TMEM117: variants seen among roughly 807,000 people sequenced by gnomAD.
The protein encoded by TMEM117 is transmembrane protein 117.
A neutral mutation model predicts 52.4 loss-of-function variants in TMEM117; 27 were observed. The observed-to-expected ratio is 0.51, with a 90% confidence interval of 0.38 to 0.71. The LOEUF (loss-of-function observed/expected upper bound fraction) is 0.71. TMEM117 is among the 30% of genes least tolerant of loss of function. The pLI is 0.00. For missense variants in TMEM117, 556 were observed against 630.5 expected (o/e 0.88, Z 1.26); for synonymous variants, 215 against 206.3 (o/e 1.04, Z -0.36).
chr12:44,075,694 T>C (rs1947371003), intron 3 of TMEM117, among the ~76,000 whole-genome samples: 1 of 152,194 alleles, frequency 6.6e-6, no homozygotes, highest in Admixed American at 6.5e-5. Flanking sequence ...AACTTGGCTA[T>C]TATATGGTGT....
intron 2 of TMEM117, among the ~76,000 whole-genome samples, chr12:43,880,569 G>A (rs1235484778): frequency 1.3e-5 from 2 of 152,098 alleles, no homozygotes; most frequent in African/African-American, 2.4e-5. Context: ...GTAAAAGTCC[G>A]GTTTTGCCCA....
chr12:43,928,825 A>G (rs1210275417), intron 2 of TMEM117, among the ~76,000 whole-genome samples: 1 of 146,984 alleles, frequency 6.8e-6, no homozygotes, highest in Non-Finnish European at 1.5e-5. Context: ...ATTCCCACCT[A>G]TGAGTGAGAA....
the TMEM117 span, chr12:43,806,032 T>C: frequency 6.6e-7 from 1 of 1,521,232 alleles, no homozygotes; most frequent in Non-Finnish European, 8.8e-7. Flanking sequence ...GGGACCGGGC[T>C]GGAGGAGGAC....
Position 43,897,973 on chromosome 12 carries a change from C to T in TMEM117, c.278-46237C>T, listed in dbSNP as rs181018256. Among the ~76,000 whole-genome samples, 293 of 152,022 alleles carry T rather than the reference C, an allele frequency of 1.9e-3. 1 individual carries two copies. Among genetic ancestry groups the T allele is most frequent in the African/African-American group, 6.3e-3 (260 of 41,452 alleles). On this transcript the variant is annotated intron_variant, in intron 2 of 7. Transcript: ENST00000266534. ...CATGACCCTTGTCTAATTCCCATGG[C>T]GTCGGCTGTCAAGGCTATGAATGTG... is the stretch of plus-strand genomic sequence containing the variant.
chr12:43,936,960 G>A lies in TMEM117; in HGVS notation c.278-7250G>A, dbSNP rs572599303. ...CAACTTAAGAGGCCTCAGAGGTGGA[G>A]AAAAAAGAATGAGGAGAGAGGGAGA... On this transcript the variant is annotated intron_variant, in intron 2 of 7. Transcript: ENST00000266534. Among the ~76,000 whole-genome samples, 53 of 152,188 alleles carry A rather than the reference G, an allele frequency of 3.5e-4. 1 individual carries two copies. The highest frequency in any genetic ancestry group is 1.5e-4 in the Non-Finnish European group (10 of 67,974).
chr12:44,229,823 G>C (rs542614341), intron 5 of TMEM117, among the ~76,000 whole-genome samples: 45 of 152,210 alleles, frequency 3.0e-4, no homozygotes, highest in Middle Eastern at 3.4e-3. Context: ...ACATGCATGG[G>C]CTTTGGGGAA....
At chr12:44,027,953 C>T (rs1422071130) in intron 3 of TMEM117, among the ~76,000 whole-genome samples, 2 of 152,152 alleles carry the variant, frequency 1.3e-5, no homozygotes, top group Non-Finnish European at 2.9e-5. Context: ...CGCCTGTAAT[C>T]CCAGCACTTA....
At chr12:44,353,905 G>A (rs1365560365) in intron 6 of TMEM117, among the ~76,000 whole-genome samples, 9 of 152,130 alleles carry the variant, frequency 5.9e-5, no homozygotes, top group South Asian at 2.1e-4. Flanking sequence ...CCATTTTCAC[G>A]ATATTGATTC....
intron 3 of TMEM117, among the ~76,000 whole-genome samples, chr12:44,036,912 T>A (rs1946718949): frequency 6.6e-6 from 1 of 152,244 alleles, no homozygotes; most frequent in South Asian, 2.1e-4. Context: ...TTCATGGTTT[T>A]AATTTTAATT....
In TMEM117 at chr12:44,239,741, T is replaced by G. The variant is rs560153040; in HGVS notation, c.608+28354T>G. ...AGTATGACAATTTATATGCCAGATA[T>G]TTAATATCACAAAATATAGTCATAT... On this transcript the variant is annotated intron_variant, in intron 5 of 7. Transcript: ENST00000266534. Among the ~76,000 whole-genome samples, 109 of 152,232 alleles carry G rather than the reference T, an allele frequency of 7.2e-4. 1 individual carries two copies. Among genetic ancestry groups the G allele is most frequent in the African/African-American group, 2.4e-3 (101 of 41,560 alleles).
chr12:44,256,183 G>GAT (rs1042153395), intron 5 of TMEM117, among the ~76,000 whole-genome samples: 7 of 151,288 alleles, frequency 4.6e-5, no homozygotes, highest in Admixed American at 4.0e-4. Context: ...ACAGAATAAG[G>GAT]ATATATATAA....
chr12:44,150,285 C>A (rs113672964), intron 4 of TMEM117, among the ~76,000 whole-genome samples: 1 of 152,034 alleles, frequency 6.6e-6, no homozygotes, highest in African/African-American at 2.4e-5. Context: ...AGGAAGTACT[C>A]TTGGGGAATC....
chr12:44,256,106 TTTAAA>T (rs1371240965), intron 5 of TMEM117, among the ~76,000 whole-genome samples: 11 of 151,908 alleles, frequency 7.2e-5, no homozygotes, highest in African/African-American at 1.4e-4. Flanking sequence ...TTTGTAAAAC[TTTAAA>T]TTAAAAATAA....
intron 2 of TMEM117, among the ~76,000 whole-genome samples, chr12:43,860,453 G>A (rs1274517010): frequency 1.3e-5 from 2 of 152,294 alleles, no homozygotes; most frequent in East Asian, 3.9e-4. Context: ...TATTATATCA[G>A]AGGGTGATAA....
At chr12:43,958,603 G>A (rs1008807116) in intron 3 of TMEM117, among the ~76,000 whole-genome samples, 2 of 152,126 alleles carry the variant, frequency 1.3e-5, no homozygotes, top group Non-Finnish European at 2.9e-5. Context: ...AATGAGAATG[G>A]AATAGACTCT....
rs1468349025 is a variant in TMEM117 at position 44,180,801 on chromosome 12, C to T, written c.511-30489C>T. Among the ~76,000 whole-genome samples, 10 of 151,878 alleles carry T rather than the reference C, an allele frequency of 6.6e-5. No individual in the cohort carries two copies. The East Asian group carries it at 7.7e-4, about 12-fold the overall frequency. ...AAGTCTTTGCTATCGTGAATAATGC[C>T]GCAATAAACATATGTGTGCATGTGT... On this transcript the variant is annotated intron_variant, in intron 4 of 7. Transcript: ENST00000266534.
At chr12:44,099,043 G>A (rs1947820043) in intron 3 of TMEM117, among the ~76,000 whole-genome samples, 1 of 151,976 alleles carries the variant, frequency 6.6e-6, no homozygotes, top group South Asian at 2.1e-4. Flanking sequence ...TTGACATCTG[G>A]TTCTTATCCA....
At chr12:44,052,886 C>T (rs1164595039) in intron 3 of TMEM117, among the ~76,000 whole-genome samples, 2 of 152,124 alleles carry the variant, frequency 1.3e-5, no homozygotes, top group Non-Finnish European at 2.9e-5. Flanking sequence ...CTCTGATATC[C>T]CTTTCCTTGG....
the TMEM117 span, among the ~76,000 whole-genome samples, chr12:43,825,548 T>C: frequency 2.6e-5 from 4 of 152,218 alleles, no homozygotes. Flanking sequence ...CTGTGTTTGG[T>C]TGGCAAATCC....
Sources: gnomAD v4.1 joint callset for allele counts (sites outside exome capture counted in the v4.1 genomes callset) on GRCh38, gnomAD v4.1.1 for gene constraint, MANE v1.5 for transcripts, NCBI Gene and HGNC (gene_info 2026-07-23, HGNC 2026-07-21) for gene names.